The following FMNL1 variants were observed in gnomAD, a reference collection of about 807,000 sequenced individuals.
FMNL1 encodes formin like 1.
FMNL1 carries 43 observed loss-of-function variants against 121.3 expected under a neutral mutation model. That is an observed-to-expected ratio of 0.35 (90% confidence interval 0.28 to 0.46). The LOEUF (loss-of-function observed/expected upper bound fraction) is 0.46. Ranked by LOEUF, FMNL1 falls within the 20% of genes least tolerant of loss-of-function variation. The pLI is 1.00. For synonymous variants in FMNL1, 613 were observed against 613.5 expected, an observed-to-expected ratio of 1.00 and a Z score of 0.01; for missense variants, 1,191 against 1,482.4, an observed-to-expected ratio of 0.80 and a Z score of 3.23.
rs146285875 is a variant in FMNL1 at position 45,240,565 on chromosome 17, C to T, written c.1170C>T (p.Asp390=). The T allele has an allele frequency of 1.7e-4, 275 of 1,613,940 alleles. No homozygotes were observed. The African/African-American group carries it at 3.2e-3, about 19-fold the overall frequency. ...TTGATGTGGGGGCGCTGCTGGAGGA[C>T]ACAGAGACCAAGAACGCTGTGCTGG... The part of the protein sequence containing the change: ...NIFDVGALLE[D]TETKNAVLEH... Residue 390 remains aspartate, a synonymous_variant, in exon 12 of 27, where the codon GAC becomes GAT. Transcript: ENST00000331495.
At chr17:45,238,687 G>T in intron 10 of FMNL1, 49 bp downstream of exon 10, 1 of 1,610,218 alleles carries the variant, frequency 6.2e-7, no homozygotes, top group Non-Finnish European at 8.5e-7. Context: ...GCCCTCTTGG[G>T]TGCAGGGAGC....
chr17:45,241,230 G>T lies in FMNL1; in HGVS notation c.1332G>T (p.Arg444=). The T allele has an allele frequency of 6.2e-7, 1 of 1,614,016 alleles. No homozygotes were observed. The highest frequency in any genetic ancestry group is 8.5e-7 in the Non-Finnish European group (1 of 1,179,974). The change falls in exon 13 of 27, where the codon CGG becomes CGT. Residue 444 remains arginine (R), a splice_region_variant and synonymous_variant. Coordinates refer to ENST00000331495, the MANE Select transcript of FMNL1 (RefSeq NM_005892.4). This position sits in a 1 kb window ranked among gnomAD's most constrained non-coding sequence, Gnocchi z 7.0. ...SQARKELETL[R]ERFSESTAMG... ...CGCGCAAGGAGTTGGAGACCCTGCG[G>T]GTGAGGCTGGGGCGGGTGGTAGGCC...
intron 1 of FMNL1, among the ~76,000 whole-genome samples, chr17:45,227,907 C>T (rs1456139136): frequency 6.6e-6 from 1 of 152,130 alleles, no homozygotes; most frequent in Admixed American, 6.5e-5. Flanking sequence ...TCTTTTGAAG[C>T]CAGCTCCAGG....
At position 45,233,383 on chromosome 17, in the gene FMNL1, C is replaced by A; in HGVS notation, c.401+86C>A. On this transcript the variant is annotated intron_variant, in intron 4 of 26. Transcript: ENST00000331495. This position sits in a 1 kb window ranked among gnomAD's most constrained non-coding sequence, Gnocchi z 4.1. ...CTGGAGCTTCCCCTTCCTACTCCCC[C>A]TGCCCCCTGCACAAGGCTGTGCTTG... 1 of 1,378,038 alleles carries A rather than the reference C, an allele frequency of 7.3e-7. No homozygotes were observed. The highest frequency in any genetic ancestry group is 9.9e-7 in the Non-Finnish European group (1 of 1,006,434). 85.4% of individuals were successfully genotyped at this position (1,378,038 alleles called of 1,614,324 possible).
In FMNL1 at chr17:45,245,092, G is replaced by A; in HGVS notation, c.2712G>A (p.Leu904=). The part of the protein sequence containing the change: ...LTGFHSDLHF[L]DKAGSVSLDS... ...GCTTCCACAGCGACCTGCACTTCCT[G>A]GACAAGGCGGGCTCAGGTAGGAGAC... is the stretch of plus-strand genomic sequence containing the variant. The change falls in exon 21 of 27, where the codon CTG becomes CTA. Residue 904 remains leucine, a synonymous_variant. Transcript: ENST00000331495. 6.2e-7 allele frequency: 1 copy of A among 1,614,154 alleles called. No homozygotes were observed. The highest frequency in any genetic ancestry group is 8.5e-7 in the Non-Finnish European group (1 of 1,179,998).
rs1472993891 is a variant in FMNL1, at chr17:45,245,151, G to A, written c.2728+43G>A. 5 of 1,610,584 alleles carry A rather than the reference G, an allele frequency of 3.1e-6. No individual in the cohort carries two copies. The African/African-American group carries it at 5.3e-5, about 17-fold the overall frequency. On this transcript the variant is annotated intron_variant, in intron 21 of 26. Transcript: ENST00000331495. ...CCTTGGGTGTGGGGAGGGGCCGTGG[G>A]CTGGGGTAGGTTGGGAGAAAGCTAG...
Position 45,224,085 on chromosome 17 carries a change from G to A in FMNL1, c.129+1832G>A, listed in dbSNP as rs181441614. On this transcript the variant is annotated intron_variant, in intron 1 of 26. Coordinates refer to ENST00000331495, the MANE Select transcript of FMNL1 (RefSeq NM_005892.4). ...AGTGGAGGTGCCTAGCAGAAATTTA[G>A]GGTAGCAGCACCCACCAGGGCTTAC... is the stretch of plus-strand genomic sequence containing the variant. Among the ~76,000 whole-genome samples, 134 of 152,240 alleles carry A rather than the reference G, an allele frequency of 8.8e-4. 1 individual carries two copies. In the Middle Eastern group the frequency reaches 0.024, roughly 27 times the overall value.
At position 45,233,821 on chromosome 17, in the gene FMNL1, A is replaced by C. The variant is rs1312942693; in HGVS notation, c.485+90A>C. ...TCACCCACTCCCCTGGCCAGTTTCA[A>C]GCCAGGCAGCCCGAGCCTACCCTGG... On this transcript the variant is annotated intron_variant, in intron 5 of 26. Coordinates refer to ENST00000331495, the MANE Select transcript of FMNL1 (RefSeq NM_005892.4). The surrounding 1 kb of genome is among the most constrained non-coding windows in gnomAD (Gnocchi z 4.1). 1 of 1,524,840 alleles carries C rather than the reference A, an allele frequency of 6.6e-7. No individual in the cohort carries two copies. Among genetic ancestry groups the C allele is most frequent in the Non-Finnish European group, 8.9e-7 (1 of 1,122,418 alleles). The allele number at this position is 1,524,840 out of a possible 1,614,324, so 94.5% of individuals were successfully genotyped here.
rs758453928 is a variant in FMNL1 at position 45,245,864 on chromosome 17, G to A, written c.2995-14G>A. ...AGGGAGGGCCACCCTCATGGAGACT[G>A]CCTTGGCCCACAGAAAGCTGAGCAG... On this transcript the variant is annotated splice_polypyrimidine_tract_variant and intron_variant, in intron 23 of 26. Transcript: ENST00000331495. The A allele has an allele frequency of 1.3e-6, 2 of 1,596,480 alleles. No homozygotes were observed. Among genetic ancestry groups the A allele is most frequent in the Admixed American group, 1.8e-5 (1 of 56,486 alleles).
chr17:45,244,506 C>G (rs1012627930), intron 19 of FMNL1, among the ~76,000 whole-genome samples: 1 of 152,136 alleles, frequency 6.6e-6, no homozygotes, highest in South Asian at 2.1e-4. Flanking sequence ...GTGGAGGGCC[C>G]GGGAACCAGT....
At chr17:45,239,179 G>A in intron 11 of FMNL1, 114 bp downstream of exon 11, 2 of 786,830 alleles carry the variant, frequency 2.5e-6, no homozygotes, top group South Asian at 3.1e-5. Context: ...TCCTGGCTCT[G>A]CCGTTGCCTG....
At chr17:45,239,419 A>T (rs1442239800) in intron 11 of FMNL1, among the ~76,000 whole-genome samples, 1 of 152,190 alleles carries the variant, frequency 6.6e-6, no homozygotes, top group Non-Finnish European at 1.5e-5. Flanking sequence ...ACTCCAGCAT[A>T]TAATGGGGAA....
rs376978325 is a variant in FMNL1, at chr17:45,242,349, G to A, written c.1894G>A (p.Ala632Thr). Residue 632 changes from alanine (A) to threonine (T), a missense_variant, in exon 16 of 27, where the codon GCC becomes ACC. Coordinates refer to ENST00000331495, the MANE Select transcript of FMNL1 (RefSeq NM_005892.4). ...RDSELGPGVK[A>T]KKPIQTKFRM... The stretch of plus-strand genomic sequence containing the variant: ...CCAAACCCCCGTCCCAGGAGTGAAG[G>A]CCAAGAAGCCCATCCAGACTAAGTT... 8.7e-6 allele frequency: 14 copies of A among 1,613,864 alleles called. No individual in the cohort carries two copies. The African/African-American group carries it at 1.6e-4, about 18-fold the overall frequency.
At chr17:45,239,545 C>G (rs1016750471) in intron 11 of FMNL1, among the ~76,000 whole-genome samples, 1 of 152,214 alleles carries the variant, frequency 6.6e-6, no homozygotes, top group African/African-American at 2.4e-5. Flanking sequence ...CTGGCCCAGG[C>G]TGAGCAGAGA....
At position 45,245,941 on chromosome 17, in the gene FMNL1, A is replaced by G; in HGVS notation, c.3058A>G (p.Thr1020Ala). 1 of 1,583,154 alleles carries G rather than the reference A, an allele frequency of 6.3e-7. No homozygotes were observed. The highest frequency in any genetic ancestry group is 1.1e-5 in the South Asian group (1 of 87,708). Residue 1020 changes from threonine (T) to alanine (A), a missense_variant, in exon 24 of 27, where the codon ACC becomes GCC. Transcript: ENST00000331495. ...CGCTGCCCAGGAGGCAGGCGCTGAT[A>G]CCCCGGGCAAAGGGGAGCCCCCAGC... ...EAAAQEAGAD[T>A]PGKGEPPAPK... is the part of the protein sequence containing the mutation.
chr17:45,236,625 C>T (rs1336352486), intron 7 of FMNL1: 6 of 167,574 alleles, frequency 3.6e-5, no homozygotes, highest in Non-Finnish European at 6.4e-5. Flanking sequence ...GCCAGCTTCA[C>T]GGTTTCCAAG....
In FMNL1 at chr17:45,233,663, C is replaced by G. The variant is rs1316728318; in HGVS notation, c.417C>G (p.Phe139Leu). 1 of 1,614,072 alleles carries G rather than the reference C, an allele frequency of 6.2e-7. No individual in the cohort carries two copies. Residue 139 changes from phenylalanine (F) to leucine (L), a missense_variant, in exon 5 of 27, where the codon TTC becomes TTG. Transcript: ENST00000331495. The surrounding 1 kb of genome is among the most constrained non-coding windows in gnomAD (Gnocchi z 4.1). ...GTGCCCACAGGTGGGTGCAGGAGTT[C>G]CTCAATGAAGAGAACCGTGGCCTGG... The part of the protein sequence containing the change: ...RTNHIGWVQE[F>L]LNEENRGLDV...
In FMNL1 at chr17:45,246,332, T is replaced by C; in HGVS notation, c.3211+2T>C. On this transcript the variant is annotated splice_donor_variant, in intron 25 of 26. Coordinates refer to ENST00000331495, the MANE Select transcript of FMNL1 (RefSeq NM_005892.4). LOFTEE classifies it high-confidence loss of function. Reference sequence around the variant, plus strand: ...GGGCCATTGAAGACATCATCACAGGTAAGGGCTTGGCCAGGCCTTGGTCTT... The same window carrying C: ...GGGCCATTGAAGACATCATCACAGGCAAGGGCTTGGCCAGGCCTTGGTCTT... 6.2e-7 allele frequency: 1 copy of C among 1,614,068 alleles called. No homozygotes were observed. Among genetic ancestry groups the C allele is most frequent in the Non-Finnish European group, 8.5e-7 (1 of 1,179,980 alleles).
chr17:45,239,103 C>T, intron 11 of FMNL1, 38 bp downstream of exon 11: 1 of 1,539,958 alleles, frequency 6.5e-7, no homozygotes, highest in Non-Finnish European at 9.0e-7. Flanking sequence ...AACTGCCTGC[C>T]CACGGCAGAG....
Sources: gnomAD v4.1 joint callset for allele counts (sites outside exome capture counted in the v4.1 genomes callset) on GRCh38, gnomAD v4.1.1 for gene constraint, Gnocchi (gnomAD v3.1) non-coding constraint, MANE v1.5 for transcripts, NCBI Gene and HGNC (gene_info 2026-07-23, HGNC 2026-07-21) for gene names.